The following PDIA6 variants were observed in gnomAD, a reference collection of about 807,000 sequenced individuals.
PDIA6 encodes the protein protein disulfide isomerase family A member 6.
PDIA6 carries 29 observed loss-of-function variants against 58.4 expected under a neutral mutation model. That is an observed-to-expected ratio of 0.50 (90% CI 0.37 to 0.68). PDIA6 has a LOEUF of 0.68. PDIA6 is among the 30% of genes least tolerant of loss of function. The pLI is 0.00. For synonymous variants in PDIA6, 192 were observed against 202.6 expected, an observed-to-expected ratio of 0.95 and a Z score of 0.44; for missense variants, 480 against 551.0, an observed-to-expected ratio of 0.87 and a Z score of 1.29.
At chr2:10,820,668 T>A (rs1255070128) in intron 1 of PDIA6, 4 of 623,858 alleles carry the variant, frequency 6.4e-6, no homozygotes, top group East Asian at 5.6e-5. Flanking sequence ...TGTCGAGGAC[T>A]CTTTTGTCCT....
chr2:10,790,813 G>A lies in PDIA6; in HGVS notation c.605C>T (p.Ala202Val), dbSNP rs1666001695. Residue 202 changes from alanine (A) to valine (V), a missense_variant, in exon 7 of 13, where the codon GCC becomes GTC. Coordinates refer to ENST00000272227, the MANE Select transcript of PDIA6 (RefSeq NM_005742.4). ...CTGCTCTTTTACTTCTGAAGCTGCGGCAGCCCACTCTGGCTCTAGGCTATA... is the reference window on the plus strand; with the variant it reads ...CTGCTCTTTTACTTCTGAAGCTGCGACAGCCCACTCTGGCTCTAGGCTATA... The part of the protein sequence containing the change: ...HCKNLEPEWA[A>V]AASEVKEQTK... The A allele has an allele frequency of 6.2e-7, 1 of 1,613,694 alleles. No homozygotes were observed. Among genetic ancestry groups the A allele is most frequent in the East Asian group, 2.2e-5 (1 of 44,870 alleles).
chr2:10,787,929 G>A (rs1236159697), intron 10 of PDIA6, among the ~76,000 whole-genome samples: 1 of 152,128 alleles, frequency 6.6e-6, no homozygotes, highest in Non-Finnish European at 1.5e-5. Context: ...AGCCGGGCAT[G>A]GTGGCGTGCG....
intron 1 of PDIA6, among the ~76,000 whole-genome samples, chr2:10,829,136 C>T (rs748042077): frequency 7.9e-5 from 12 of 152,266 alleles, no homozygotes; most frequent in East Asian, 3.9e-4. Flanking sequence ...GTGAAAAGGG[C>T]GATATCTGGC....
At chr2:10,837,435 G>A (rs1020466188), upstream of PDIA6, 2 of 651,288 alleles carry the variant, frequency 3.1e-6, no homozygotes, top group East Asian at 5.5e-5. Flanking sequence ...ATAAAAATGA[G>A]GGGGAGAAAA....
At chr2:10,829,925 G>A (rs1558466487) in intron 1 of PDIA6, among the ~76,000 whole-genome samples, 1 of 152,148 alleles carries the variant, frequency 6.6e-6, no homozygotes, top group Non-Finnish European at 1.5e-5. Context: ...CCTTCGCGAG[G>A]TGGCAGGGCT....
At chr2:10,806,774 T>C (rs1174617018) in intron 1 of PDIA6, among the ~76,000 whole-genome samples, 1 of 152,054 alleles carries the variant, frequency 6.6e-6, no homozygotes, top group Non-Finnish European at 1.5e-5. Flanking sequence ...ATCTTTTATA[T>C]CATATTTTTA....
chr2:10,826,757 G>A (rs1667566903), intron 1 of PDIA6, among the ~76,000 whole-genome samples: 1 of 152,162 alleles, frequency 6.6e-6, no homozygotes, highest in South Asian at 2.1e-4. Flanking sequence ...CTTCTTATAA[G>A]ACATAGAAGA....
chr2:10,816,938 A>C (rs202235548), upstream of PDIA6, among the ~76,000 whole-genome samples: 36 of 152,348 alleles, frequency 2.4e-4, no homozygotes, highest in East Asian at 6.8e-3. Flanking sequence ...TCCTCATTCA[A>C]CTTAGTTAAT....
chr2:10,784,585 TG>T, intron 12 of PDIA6: 1 of 524,950 alleles, frequency 1.9e-6, no homozygotes, highest in Non-Finnish European at 3.3e-6. Flanking sequence ...TTGAGGAGGG[TG>T]GGACACAACA....
At chr2:10,825,306 G>GTA (rs1002468352) in intron 1 of PDIA6, among the ~76,000 whole-genome samples, 6 of 150,100 alleles carry the variant, frequency 4.0e-5, no homozygotes, top group Admixed American at 6.7e-5. Flanking sequence ...CTCTCTCTCT[G>GTA]TATATATATA....
At chr2:10,794,718 A>C (rs976477486) in intron 4 of PDIA6, among the ~76,000 whole-genome samples, 6 of 151,862 alleles carry the variant, frequency 4.0e-5, no homozygotes, top group African/African-American at 1.5e-4. Context: ...CATGAGGTCA[A>C]GAGTTCGAGA....
intron 1 of PDIA6, among the ~76,000 whole-genome samples, chr2:10,811,355 C>T (rs377449866): frequency 6.6e-6 from 1 of 152,234 alleles, no homozygotes; most frequent in East Asian, 1.9e-4. Context: ...TACAATGAGA[C>T]CCTGACTCTA....
upstream of PDIA6, among the ~76,000 whole-genome samples, chr2:10,836,552 T>C (rs1191516657): frequency 2.0e-5 from 3 of 151,636 alleles, no homozygotes; most frequent in Admixed American, 1.3e-4. Flanking sequence ...GCTTTTTTTT[T>C]TTTTTAATTA....
At chr2:10,817,681 C>T (rs1407815832), upstream of PDIA6, among the ~76,000 whole-genome samples, 1 of 152,208 alleles carries the variant, frequency 6.6e-6, no homozygotes, top group Non-Finnish European at 1.5e-5. Flanking sequence ...AATTGTTGGA[C>T]TTGGGGCACC....
In PDIA6 at chr2:10,804,183, C is replaced by T. The variant is rs562665984; in HGVS notation, c.20-1543G>A. ...TCGGCCTCCCAAAGTGCTGGGATTA[C>T]AGGCGTGAGCCACCGTGCCCGGCCC... On this transcript the variant is annotated intron_variant, in intron 1 of 12. Transcript: ENST00000272227. 3.9e-5 allele frequency among the ~76,000 whole-genome samples: 6 copies of T among 152,116 alleles called. No individual in the cohort carries two copies. In the South Asian group the frequency reaches 8.3e-4, roughly 21 times the overall value.
At chr2:10,816,883 C>G (rs143347457), upstream of PDIA6, among the ~76,000 whole-genome samples, 2 of 152,260 alleles carry the variant, frequency 1.3e-5, no homozygotes, top group East Asian at 3.9e-4. Flanking sequence ...TGCCCAAGAC[C>G]CACACTGGGC....
chr2:10,801,156 G>A (rs1666496534), intron 2 of PDIA6, among the ~76,000 whole-genome samples: 1 of 152,154 alleles, frequency 6.6e-6, no homozygotes, highest in Non-Finnish European at 1.5e-5. Flanking sequence ...GTACATGCCT[G>A]TAGTACCAGT....
intron 2 of PDIA6, among the ~76,000 whole-genome samples, chr2:10,818,528 TTATTTA>T (rs1215737147): frequency 0.074 from 9,504 of 127,876 alleles, 528 homozygotes; most frequent in South Asian, 0.11. Context: ...ATTTATTTAT[TTATTTA>T]TTTTGAGATG....
chr2:10,788,745 A>C lies in PDIA6; in HGVS notation c.950T>G (p.Leu317Arg), dbSNP rs140165721. ...GTCTGCCAACTTCAGAAGAACTTCC[A>C]GATAAGAATTTCTGCCTGCAGCTCC... ...DTGAAGRNSY[L>R]EVLLKLADKY... Residue 317 changes from leucine to arginine, a missense_variant, in exon 10 of 13, where the codon CTG becomes CGG. By Grantham distance (102) the Leu-to-Arg change is moderately radical. Coordinates refer to ENST00000272227, the MANE Select transcript of PDIA6 (RefSeq NM_005742.4). 9 of 1,613,274 alleles carry C rather than the reference A, an allele frequency of 5.6e-6. No homozygotes were observed. Among genetic ancestry groups the C allele is most frequent in the African/African-American group, 2.7e-5 (2 of 74,924 alleles).
Sources: gnomAD v4.1 joint callset for allele counts (sites outside exome capture counted in the v4.1 genomes callset) on GRCh38, gnomAD v4.1.1 for gene constraint, MANE v1.5 for transcripts, NCBI Gene and HGNC (gene_info 2026-07-23, HGNC 2026-07-21) for gene names.